NLRP14: variants seen among roughly 807,000 people sequenced by gnomAD.
The protein encoded by NLRP14 is NLR family pyrin domain containing 14, also known as NACHT, LRR and PYD domains-containing protein 14.
A neutral mutation model predicts 94.7 loss-of-function variants in NLRP14; 105 were observed. The ratio of observed to expected loss-of-function variants is 1.11; its 90% CI spans 0.95 to 1.30. The LOEUF is 1.30. NLRP14 is among the 50% of genes most tolerant of loss of function. The probability of loss-of-function intolerance (pLI) is 0.00; values close to 1 mark genes in which losing one functional copy is unlikely to be tolerated. For synonymous variants in NLRP14, 508 were observed against 459.9 expected (o/e 1.10, Z -1.34); for missense variants, 1,362 against 1,254.1 (o/e 1.09, Z -1.30).
intron 3 of NLRP14, among the ~76,000 whole-genome samples, chr11:7,040,384 C>G (rs1852231150): frequency 6.6e-6 from 1 of 152,184 alleles, no homozygotes; most frequent in African/African-American, 2.4e-5. Context: ...CTATTGTGAA[C>G]TGTGCATTCA....
rs758494847 is a variant in NLRP14 at position 7,038,866 on chromosome 11, G to A, written c.280G>A (p.Glu94Lys). The A allele has an allele frequency of 3.2e-5, 51 of 1,613,202 alleles. 2 individuals carry two copies. In the South Asian group the frequency reaches 5.3e-4, roughly 17 times the overall value. ...GGATCTGTGTGAGAGAGCGAAAGAA[G>A]AGATCAACTGTGAGTGATGCTAGGG... is the stretch of plus-strand genomic sequence containing the variant. ...LKDLCERAKEEINWSAQTIGP... is the reference protein window; with the variant it reads ...LKDLCERAKEKINWSAQTIGP... The change falls in exon 2 of 12, where the codon GAG becomes AAG. Residue 94 changes from glutamate to lysine, a missense_variant. By Grantham distance (56) the Glu-to-Lys change is moderately conservative (BLOSUM62 1). Coordinates refer to ENST00000299481, the MANE Select transcript of NLRP14 (RefSeq NM_176822.4).
At chr11:7,040,191 TC>T (rs1852226534) in intron 3 of NLRP14, among the ~76,000 whole-genome samples, 1 of 152,156 alleles carries the variant, frequency 6.6e-6, no homozygotes, top group Admixed American at 6.5e-5. Context: ...TAGAACCAGG[TC>T]TTCTCAGTCA....
In NLRP14 at chr11:7,042,375, C is replaced by T; in HGVS notation, c.362-13C>T. 1 of 1,610,680 alleles carries T rather than the reference C, an allele frequency of 6.2e-7. No individual in the cohort carries two copies. The highest frequency in any genetic ancestry group is 1.3e-5 in the African/African-American group (1 of 74,928). On this transcript the variant is annotated splice_polypyrimidine_tract_variant and intron_variant, in intron 3 of 11. Transcript: ENST00000299481. The stretch of plus-strand genomic sequence containing the variant: ...TTTGTTTTTGTTTTTTTACCTTTGC[C>T]ATTCTGACTTAGGTGATGGAACAGA...
Position 7,057,719 on chromosome 11 carries a change from A to G in NLRP14, c.2334A>G (p.Ile778Met), listed in dbSNP as rs1355587442. 1.2e-6 allele frequency: 2 copies of G among 1,612,734 alleles called. No homozygotes were observed. The highest frequency in any genetic ancestry group is 2.2e-5 in the East Asian group (1 of 44,858). The change falls in exon 7 of 12, where the codon ATA becomes ATG. Residue 778 changes from isoleucine to methionine, a missense_variant. Physicochemically the swap from Ile to Met is conservative, Grantham distance 10. Coordinates refer to ENST00000299481, the MANE Select transcript of NLRP14 (RefSeq NM_176822.4). ...TAACTGTATTTTGTTGTCTAAATAT[A>G]TCTAATGCTCTCATCAGAAGCCAGA... ...CNLTVFCCLNISNALIRSQSL... is the reference protein window; with the variant it reads ...CNLTVFCCLNMSNALIRSQSL...
chr11:7,061,445 G>T (rs939530026), intron 9 of NLRP14, among the ~76,000 whole-genome samples: 1 of 151,982 alleles, frequency 6.6e-6, no homozygotes, highest in Non-Finnish European at 1.5e-5. Flanking sequence ...AAACAAAGCT[G>T]TACTTTCTTA....
At chr11:7,036,953 T>G (rs1852170577) in intron 1 of NLRP14, among the ~76,000 whole-genome samples, 1 of 152,168 alleles carries the variant, frequency 6.6e-6, no homozygotes, top group South Asian at 2.1e-4. Flanking sequence ...CAGGAACAAT[T>G]GCTTATGAGA....
At chr11:7,078,607 T>C in the NLRP14 span, among the ~76,000 whole-genome samples, 44 of 151,670 alleles carry the variant, frequency 2.9e-4, no homozygotes, top group South Asian at 8.4e-4. Context: ...CTGGCTAACA[T>C]GGTGAAACCC....
chr11:7,049,241 C>A (rs763211438), intron 5 of NLRP14, among the ~76,000 whole-genome samples: 1 of 152,198 alleles, frequency 6.6e-6, no homozygotes, highest in Non-Finnish European at 1.5e-5. Context: ...GTATGCCTAA[C>A]GAAGTCCCCA....
downstream of NLRP14, among the ~76,000 whole-genome samples, chr11:7,073,146 C>T (rs1441961614): frequency 6.6e-6 from 1 of 152,168 alleles, no homozygotes; most frequent in African/African-American, 2.4e-5. Flanking sequence ...TGCCATTTAT[C>T]TTAAAAGCTA....
chr11:7,072,494 G>A (rs1206351796), downstream of NLRP14, among the ~76,000 whole-genome samples: 2 of 152,218 alleles, frequency 1.3e-5, no homozygotes, highest in East Asian at 3.9e-4. Flanking sequence ...AGAGATTCAA[G>A]TGTCTCTCTT....
At chr11:7,025,342 A>T (rs1195591475) in intron 1 of NLRP14, among the ~76,000 whole-genome samples, 2 of 152,140 alleles carry the variant, frequency 1.3e-5, no homozygotes, top group Admixed American at 1.3e-4. Context: ...AATGTAGTGA[A>T]ATAAATGTTT....
chr11:7,049,781 G>C lies in NLRP14; in HGVS notation c.2234G>C (p.Gly745Ala). 6.2e-7 allele frequency: 1 copy of C among 1,611,294 alleles called. No homozygotes were observed. Among genetic ancestry groups the C allele is most frequent in the Non-Finnish European group, 8.5e-7 (1 of 1,177,516 alleles). Residue 745 changes from glycine (G) to alanine (A), a missense_variant, in exon 6 of 12, where the codon GGA (glycine) becomes GCA (alanine). Gly to Ala is a moderately conservative substitution (Grantham distance 60). Coordinates refer to ENST00000299481, the MANE Select transcript of NLRP14 (RefSeq NM_176822.4). ...DLKGSDIGDN[G>A]VKSLCEALKH... ...AAAGGGAGTGATATAGGGGATAATG[G>C]AGTAAAGTCATTGTGTGAGGCCTTG...
Position 7,058,409 on chromosome 11 carries a change from T to A in NLRP14, c.2592T>A (p.Ser864Arg). The change falls in exon 8 of 12, where the codon AGT becomes AGA. Residue 864 changes from serine (S) to arginine (R), a missense_variant. By Grantham distance (110) the Ser-to-Arg change is moderately radical. Transcript: ENST00000299481. Reference sequence around the variant, plus strand: ...GTGATGGTGGAGTAAAGCTTATGAGTGATGCCCTGCAACATGCACAATGTA... The same window carrying A: ...GTGATGGTGGAGTAAAGCTTATGAGAGATGCCCTGCAACATGCACAATGTA... ...VLGDGGVKLM[S>R]DALQHAQCTL... is the part of the protein sequence containing the mutation. 3 of 1,612,762 alleles carry A rather than the reference T, an allele frequency of 1.9e-6. No individual in the cohort carries two copies. Among genetic ancestry groups the A allele is most frequent in the East Asian group, 2.2e-5 (1 of 44,860 alleles).
At position 7,049,818 on chromosome 11, in the gene NLRP14, G is replaced by A; in HGVS notation, c.2271G>A (p.Glu757=). Residue 757 remains glutamate, a synonymous_variant, in exon 6 of 12, where the codon GAG becomes GAA. Coordinates refer to ENST00000299481, the MANE Select transcript of NLRP14 (RefSeq NM_176822.4). ...TGTGTGAGGCCTTGAAACACCCAGA[G>A]TGTAAACTACAGACTCTCAGGTAAG... is the stretch of plus-strand genomic sequence containing the variant. ...KSLCEALKHP[E]CKLQTLRLES... is the part of the protein sequence containing the mutation. The A allele has an allele frequency of 3.1e-6, 5 of 1,612,822 alleles. No homozygotes were observed. The highest frequency in any genetic ancestry group is 4.2e-6 in the Non-Finnish European group (5 of 1,178,858).
intron 6 of NLRP14, among the ~76,000 whole-genome samples, chr11:7,052,628 T>C (rs1028297744): frequency 2.6e-5 from 4 of 151,728 alleles, no homozygotes; most frequent in African/African-American, 9.7e-5. Flanking sequence ...AGCAAGACTG[T>C]GTTTAAAAAA....
intron 6 of NLRP14, among the ~76,000 whole-genome samples, chr11:7,053,675 A>C (rs1852475502): frequency 6.6e-6 from 1 of 151,870 alleles, no homozygotes; most frequent in Non-Finnish European, 1.5e-5. Context: ...TTTTTTAGGT[A>C]CATAGTAGGT....
Position 7,048,131 on chromosome 11 carries a change from C to A in NLRP14, c.2123+1299C>A, listed in dbSNP as rs559986604. On this transcript the variant is annotated intron_variant, in intron 5 of 11. Coordinates refer to ENST00000299481, the MANE Select transcript of NLRP14 (RefSeq NM_176822.4). ...ATTTTGTTGCAACTTTTAGTAGTTTCTTTTTTATTGCTGATTAGTATTCCA... is the reference window on the plus strand; with the variant it reads ...ATTTTGTTGCAACTTTTAGTAGTTTATTTTTTATTGCTGATTAGTATTCCA... 2.8e-4 allele frequency among the ~76,000 whole-genome samples: 43 copies of A among 152,216 alleles called. 1 individual carries two copies. Among genetic ancestry groups the A allele is most frequent in the Non-Finnish European group, 5.9e-4 (40 of 67,996 alleles).
intron 8 of NLRP14, among the ~76,000 whole-genome samples, chr11:7,059,522 G>C (rs1248058070): frequency 6.6e-6 from 1 of 151,832 alleles, no homozygotes; most frequent in Non-Finnish European, 1.5e-5. Context: ...TTTCCTTACT[G>C]TTTGAAAATG....
chr11:7,041,911 T>C (rs183556965), intron 3 of NLRP14, among the ~76,000 whole-genome samples: 26 of 152,242 alleles, frequency 1.7e-4, no homozygotes, highest in Non-Finnish European at 2.8e-4. Context: ...TAAGCTACGA[T>C]TCAATGTTTA....
Sources: allele counts gnomAD v4.1 joint callset (sites outside exome capture counted in the v4.1 genomes callset), GRCh38; gene constraint gnomAD v4.1.1; transcripts MANE v1.5; gene names NCBI Gene and HGNC (gene_info 2026-07-23, HGNC 2026-07-21).